NPY2R: variants seen among roughly 807,000 people sequenced by gnomAD.
The protein encoded by NPY2R is neuropeptide Y receptor Y2, also known as neuropeptide Y receptor type 2.
Under a neutral mutation model 22.3 loss-of-function variants are expected in NPY2R, and 17 were observed. The ratio of observed to expected loss-of-function variants is 0.76; its 90% CI spans 0.52 to 1.14. The LOEUF is 1.14. Among genes scored for constraint, NPY2R ranks in the 50% most tolerant of loss-of-function variants. NPY2R has a pLI of 0.00. For missense variants in NPY2R, 424 were observed against 467.9 expected, an observed-to-expected ratio of 0.91 and a Z score of 0.87; for synonymous variants, 209 against 183.4, an observed-to-expected ratio of 1.14 and a Z score of -1.13.
the NPY2R span, among the ~76,000 whole-genome samples, chr4:155,175,420 T>A: frequency 4.6e-5 from 7 of 152,146 alleles, no homozygotes; most frequent in Non-Finnish European, 8.8e-5. Flanking sequence ...ATCTGTACTA[T>A]CTGTATTAAA....
the NPY2R span, among the ~76,000 whole-genome samples, chr4:155,184,256 C>G: frequency 6.6e-6 from 1 of 152,042 alleles, no homozygotes; most frequent in Admixed American, 6.6e-5. Flanking sequence ...CAGATAAGTC[C>G]CTTGACAGAC....
Position 155,214,161 on chromosome 4 carries a change from G to A in NPY2R, c.222G>A (p.Val74=). 1 of 1,613,640 alleles carries A rather than the reference G, an allele frequency of 6.2e-7. No individual in the cohort carries two copies. Residue 74 remains valine (V), a synonymous_variant, in exon 2 of 2, where the codon GTG becomes GTA. Coordinates refer to ENST00000329476, the MANE Select transcript of NPY2R (RefSeq NM_000910.4). ...TTGGCAACTCCTTGGTGATCCATGT[G>A]GTGATCAAATTCAAGAGCATGCGCA... is the stretch of plus-strand genomic sequence containing the variant. ...GVIGNSLVIH[V]VIKFKSMRTV... is the part of the protein sequence containing the mutation.
At position 155,217,056 on chromosome 4, in the gene NPY2R, A is replaced by G. The variant is rs1428913953; in HGVS notation, c.*1971A>G. On this transcript the variant is annotated 3_prime_UTR_variant, in exon 2 of 2. Coordinates refer to ENST00000329476, the MANE Select transcript of NPY2R (RefSeq NM_000910.4). ...TTTTATGTAGAGGCTTTATGTTGCA[A>G]TTAAAAAGTTGGGAAAATGAGAGAA... The G allele has an allele frequency of 6.0e-6, 1 of 165,752 alleles. No homozygotes were observed. The highest frequency in any genetic ancestry group is 2.1e-4 in the South Asian group (1 of 4,820). 10.3% of individuals were successfully genotyped at this position (165,752 alleles called of 1,614,324 possible).
At chr4:155,177,278 G>A in the NPY2R span, among the ~76,000 whole-genome samples, 1 of 152,132 alleles carries the variant, frequency 6.6e-6, no homozygotes. Flanking sequence ...GTTAACCTGT[G>A]AAATCAAACA....
chr4:155,176,960 CT>C, the NPY2R span, among the ~76,000 whole-genome samples: 2 of 152,098 alleles, frequency 1.3e-5, no homozygotes, highest in South Asian at 4.2e-4. Flanking sequence ...CCTTCCAGCC[CT>C]TTTTATCACA....
chr4:155,214,234 G>C lies in NPY2R; in HGVS notation c.295G>C (p.Val99Leu). Residue 99 changes from valine to leucine, a missense_variant, in exon 2 of 2, where the codon GTG (valine) becomes CTG (leucine). Transcript: ENST00000329476. Reference sequence around the variant, plus strand: ...CAATCTGGCTGTGGCAGATCTTTTGGTGAACACTCTGTGTCTACCGTTCAC... The same window carrying C: ...CAATCTGGCTGTGGCAGATCTTTTGCTGAACACTCTGTGTCTACCGTTCAC... ...IANLAVADLL[V>L]NTLCLPFTLT... The C allele has an allele frequency of 6.2e-7, 1 of 1,614,120 alleles. No homozygotes were observed. The highest frequency in any genetic ancestry group is 8.5e-7 in the Non-Finnish European group (1 of 1,180,012).
chr4:155,210,016 G>A (rs1236310612), intron 1 of NPY2R, among the ~76,000 whole-genome samples: 1 of 152,058 alleles, frequency 6.6e-6, no homozygotes, highest in Non-Finnish European at 1.5e-5. Context: ...AGTTTCTAAG[G>A]ATTCCCTTAT....
At chr4:155,197,283 T>A in the NPY2R span, among the ~76,000 whole-genome samples, 1 of 152,024 alleles carries the variant, frequency 6.6e-6, no homozygotes, top group African/African-American at 2.4e-5. Context: ...TGAGGTCATA[T>A]ATGAATGACT....
chr4:155,208,449 TAG>T (rs906817095), upstream of NPY2R: 6 of 150,058 alleles, frequency 4.0e-5, no homozygotes, highest in Non-Finnish European at 7.4e-5. The surrounding 1 kb of genome is among the most constrained non-coding windows in gnomAD (Gnocchi z 5.6). Context: ...AACTGGGGGG[TAG>T]AGAGCAAAGG....
chr4:155,206,645 G>C (rs1014201892), upstream of NPY2R: 1 of 152,196 alleles, frequency 6.6e-6, no homozygotes, highest in African/African-American at 2.4e-5. Context: ...ACAAACACAC[G>C]TCTATAAGAG....
chr4:155,201,388 G>A, the NPY2R span, among the ~76,000 whole-genome samples: 1 of 152,066 alleles, frequency 6.6e-6, no homozygotes, highest in African/African-American at 2.4e-5. Flanking sequence ...TGTAAACAGG[G>A]GGAAGCATGA....
intron 1 of NPY2R, 118 bp from the exon 2 acceptor site, chr4:155,213,774 T>A: frequency 1.5e-6 from 1 of 650,342 alleles, no homozygotes; most frequent in Non-Finnish European, 2.7e-6. Context: ...GATATTTTGA[T>A]CCCTAACCAA....
At chr4:155,201,692 C>T in the NPY2R span, among the ~76,000 whole-genome samples, 7 of 152,082 alleles carry the variant, frequency 4.6e-5, no homozygotes, top group African/African-American at 1.7e-4. Context: ...GTTAAAGTGA[C>T]TTATTTAGTT....
chr4:155,201,366 G>A, the NPY2R span, among the ~76,000 whole-genome samples: 1 of 152,122 alleles, frequency 6.6e-6, no homozygotes, highest in Non-Finnish European at 1.5e-5. Context: ...TAAATACTCT[G>A]AGACTGTCAT....
At chr4:155,173,955 T>C in the NPY2R span, among the ~76,000 whole-genome samples, 7 of 152,198 alleles carry the variant, frequency 4.6e-5, no homozygotes. Flanking sequence ...TGTACTTTAA[T>C]ACATGTTTTA....
chr4:155,212,304 A>G (rs1031744146), intron 1 of NPY2R, among the ~76,000 whole-genome samples: 1 of 152,206 alleles, frequency 6.6e-6, no homozygotes, highest in African/African-American at 2.4e-5. Flanking sequence ...GAATGCTTTA[A>G]CAGACTGAAA....
At chr4:155,205,413 G>C (rs10213571), upstream of NPY2R, among the ~76,000 whole-genome samples, 71,365 of 151,560 alleles carry the variant, frequency 0.47, 17,693 homozygotes, top group African/African-American at 0.64. Context: ...TGAAATTACA[G>C]TGCAGGAAAT....
chr4:155,189,591 A>G, the NPY2R span, among the ~76,000 whole-genome samples: 2 of 151,988 alleles, frequency 1.3e-5, no homozygotes, highest in Non-Finnish European at 2.9e-5. Context: ...TTAAAGTAGC[A>G]TTTTTATAAG....
At chr4:155,190,761 G>A in the NPY2R span, among the ~76,000 whole-genome samples, 20 of 151,908 alleles carry the variant, frequency 1.3e-4, no homozygotes, top group East Asian at 5.8e-4. Context: ...GAGCTTTAAC[G>A]TATGAGGTTA....
Sources: allele counts gnomAD v4.1 joint callset (sites outside exome capture counted in the v4.1 genomes callset), GRCh38; gene constraint gnomAD v4.1.1; non-coding constraint Gnocchi (gnomAD v3.1); transcripts MANE v1.5; gene names NCBI Gene and HGNC (gene_info 2026-07-23, HGNC 2026-07-21).